Variants in APC observed in about 807,000 individuals in gnomAD.
APC encodes APC regulator of Wnt signaling pathway, also known as adenomatous polyposis coli protein.
In APC, 72 loss-of-function variants were observed where a neutral mutation model predicts 247.0. That is an observed-to-expected ratio of 0.29 (90% CI 0.24 to 0.35). The LOEUF is 0.35. APC is among the 10% of genes least tolerant of loss of function. APC has a pLI of 1.00. For synonymous variants in APC, 1,254 were observed against 1,162.5 expected, an observed-to-expected ratio of 1.08 and a Z score of -1.60; for missense variants, 3,400 against 3,360.7, an observed-to-expected ratio of 1.01 and a Z score of -0.29.
At position 112,766,329 on chromosome 5, in the gene APC, G is replaced by A. The variant is rs969611536; in HGVS notation, c.139G>A (p.Val47Ile). The change falls in exon 3 of 16, where the codon GTA (valine) becomes ATA (isoleucine). Residue 47 changes from valine to isoleucine, a missense_variant. Transcript: ENST00000257430. ...LETEASNMKEVLKQLQGSIED... is the reference protein window; with the variant it reads ...LETEASNMKEILKQLQGSIED... ...TATATTGTGTTCTTTTTAACAGGAA[G>A]TACTTAAACAACTACAAGGAAGTAT... The A allele has an allele frequency of 3.1e-6, 5 of 1,592,346 alleles. No homozygotes were observed. Among genetic ancestry groups the A allele is most frequent in the Non-Finnish European group, 4.3e-6 (5 of 1,160,748 alleles).
chr5:112,759,425 T>C (rs892664403), intron 2 of APC, among the ~76,000 whole-genome samples: 2 of 150,480 alleles, frequency 1.3e-5, no homozygotes, highest in Non-Finnish European at 3.0e-5. Flanking sequence ...TGACATGATC[T>C]TGGCTGTCTG....
At chr5:112,809,284 G>A (rs1761739402) in intron 8 of APC, among the ~76,000 whole-genome samples, 1 of 152,012 alleles carries the variant, frequency 6.6e-6, no homozygotes. Flanking sequence ...GGAAGGTCAA[G>A]ACTGCAGTAA....
At chr5:112,821,833 C>A (rs1763156635) in intron 10 of APC, 63 bp from the exon 11 acceptor site, 2 of 1,323,460 alleles carry the variant, frequency 1.5e-6, no homozygotes, top group African/African-American at 1.4e-5. Flanking sequence ...TTTTAAAGTA[C>A]AATAAACATC....
chr5:112,804,420 G>A (rs1176431139), intron 8 of APC, among the ~76,000 whole-genome samples: 2 of 152,000 alleles, frequency 1.3e-5, no homozygotes, highest in Admixed American at 6.6e-5. Flanking sequence ...GTCTCGCTCT[G>A]TCAGCAGGCT....
intron 1 of APC, among the ~76,000 whole-genome samples, chr5:112,709,556 A>G (rs1216953424): frequency 2.0e-5 from 3 of 152,140 alleles, no homozygotes; most frequent in Admixed American, 6.5e-5. Context: ...CTTCTGGCAA[A>G]ATGATTTGTA....
intron 1 of APC, among the ~76,000 whole-genome samples, chr5:112,722,806 C>T (rs1006013543): frequency 1.1e-4 from 16 of 152,154 alleles, no homozygotes; most frequent in African/African-American, 3.6e-4. Context: ...GTACCAACCT[C>T]GAGGAACCTC....
intron 1 of APC, among the ~76,000 whole-genome samples, chr5:112,753,840 T>C (rs887603185): frequency 2.0e-5 from 3 of 152,218 alleles, no homozygotes; most frequent in Admixed American, 6.5e-5. Context: ...TGTTTAAGTA[T>C]TGCTTAAGTG....
At chr5:112,724,830 A>G (rs1265786391) in intron 1 of APC, among the ~76,000 whole-genome samples, 1 of 152,086 alleles carries the variant, frequency 6.6e-6, no homozygotes, top group African/African-American at 2.4e-5. Flanking sequence ...GTGGGTAAGG[A>G]TGGAGGAGTG....
chr5:112,805,537 A>C (rs1036114788), intron 8 of APC, among the ~76,000 whole-genome samples: 2 of 152,184 alleles, frequency 1.3e-5, no homozygotes, highest in Non-Finnish European at 2.9e-5. Flanking sequence ...CTATCTGGTT[A>C]CTTTCAGTCA....
chr5:112,738,766 A>G (rs1228444147), intron 1 of APC, among the ~76,000 whole-genome samples: 1 of 152,240 alleles, frequency 6.6e-6, no homozygotes, highest in Non-Finnish European at 1.5e-5. Flanking sequence ...GCAGAAAAAA[A>G]ATTACTGTTT....
At chr5:112,755,356 A>G (rs1158397818) in intron 2 of APC, among the ~76,000 whole-genome samples, 1 of 152,160 alleles carries the variant, frequency 6.6e-6, no homozygotes, top group Non-Finnish European at 1.5e-5. Context: ...TGATTTTAGA[A>G]TATGCCTTGA....
intron 9 of APC, 90 bp downstream of exon 9, chr5:112,815,683 C>A: frequency 9.5e-7 from 1 of 1,048,478 alleles, no homozygotes; most frequent in Non-Finnish European, 1.4e-6. Context: ...CACCTGTAAT[C>A]CCAGCATTTT....
intron 6 of APC, among the ~76,000 whole-genome samples, chr5:112,791,162 C>T (rs1160832314): frequency 3.9e-5 from 6 of 152,258 alleles, no homozygotes; most frequent in African/African-American, 1.4e-4. Context: ...AAAAAACACA[C>T]ACACACACAC....
rs1289027772 is a variant in APC at position 112,839,079 on chromosome 5, A to T, written c.3485A>T (p.Tyr1162Phe). 1 of 1,614,164 alleles carries T rather than the reference A, an allele frequency of 6.2e-7. No individual in the cohort carries two copies. The highest frequency in any genetic ancestry group is 8.5e-7 in the Non-Finnish European group (1 of 1,180,012). ...GAAGAAGAAGAGAGACCAACAAATTATAGCATAAAATATAATGAAGAGAAA... is the reference window on the plus strand; with the variant it reads ...GAAGAAGAAGAGAGACCAACAAATTTTAGCATAAAATATAATGAAGAGAAA... ...QHEEEERPTN[Y>F]SIKYNEEKRH... Residue 1162 changes from tyrosine to phenylalanine, a missense_variant, in exon 16 of 16, where the codon TAT becomes TTT. By Grantham distance (22) the Tyr-to-Phe change is conservative. This residue lies in a region of APC where 715 missense variants were observed against 656.6 expected (regional missense o/e 1.09). Coordinates refer to ENST00000257430, the MANE Select transcript of APC (RefSeq NM_000038.6). The surrounding 1 kb of genome is among the most constrained non-coding windows in gnomAD (Gnocchi z 5.0).
rs1766910455 is a variant in APC at position 112,845,541 on chromosome 5, C to G, written c.*1415C>G. On this transcript the variant is annotated 3_prime_UTR_variant, in exon 16 of 16. Coordinates refer to ENST00000257430, the MANE Select transcript of APC (RefSeq NM_000038.6). ...GAAGTATAATCAGCACTTTGCCATG[C>G]TCAGAAAATTCAAATCACATGGAAC... 1 of 233,094 alleles carries G rather than the reference C, an allele frequency of 4.3e-6. No individual in the cohort carries two copies. Among genetic ancestry groups the G allele is most frequent in the Middle Eastern group, 1.3e-3 (1 of 780 alleles). The allele number at this position is 233,094 out of a possible 1,614,324, so 14.4% of individuals were successfully genotyped here.
At chr5:112,812,107 T>C (rs1364172343) in intron 8 of APC, among the ~76,000 whole-genome samples, 1 of 152,200 alleles carries the variant, frequency 6.6e-6, no homozygotes, top group Non-Finnish European at 1.5e-5. Context: ...CACGTCTTTG[T>C]AACCTTATCT....
At chr5:112,808,327 T>C (rs1761631188) in intron 8 of APC, among the ~76,000 whole-genome samples, 1 of 152,246 alleles carries the variant, frequency 6.6e-6, no homozygotes, top group South Asian at 2.1e-4. Flanking sequence ...ATAAGGTCCA[T>C]GAATAGGAAT....
At chr5:112,733,206 G>A (rs998023510), upstream of APC, among the ~76,000 whole-genome samples, 5 of 152,144 alleles carry the variant, frequency 3.3e-5, no homozygotes, top group East Asian at 5.8e-4. Flanking sequence ...TGAAATAGTT[G>A]GAGATAAAGC....
At chr5:112,797,418 A>G (rs1406264416) in intron 7 of APC, among the ~76,000 whole-genome samples, 1 of 152,188 alleles carries the variant, frequency 6.6e-6, no homozygotes, top group Non-Finnish European at 1.5e-5. Context: ...CTTCTGCCAA[A>G]TAATTTCTCT....
Sources: allele counts gnomAD v4.1 joint callset (sites outside exome capture counted in the v4.1 genomes callset), GRCh38; gene constraint gnomAD v4.1.1; regional missense constraint gnomAD v4.1.1; non-coding constraint Gnocchi (gnomAD v3.1); transcripts MANE v1.5; gene names NCBI Gene and HGNC (gene_info 2026-07-23, HGNC 2026-07-21).